Variants in ZNF512B observed in about 807,000 individuals in gnomAD.
The protein encoded by ZNF512B is zinc finger protein 512B.
Under a neutral mutation model 87.8 loss-of-function variants are expected in ZNF512B, and 22 were observed. The ratio of observed to expected loss-of-function variants is 0.25; its 90% CI spans 0.18 to 0.36. The LOEUF is 0.36. ZNF512B is among the 10% of genes least tolerant of loss of function. The pLI, the probability that ZNF512B is intolerant of heterozygous loss-of-function variation, is 1.00. For synonymous variants in ZNF512B, 524 were observed against 490.9 expected (o/e 1.07, Z -0.89); for missense variants, 1,060 against 1,231.6 (o/e 0.86, Z 2.09).
chr20:63,966,029 C>T, intron 5 of ZNF512B, 112 bp downstream of exon 5: 3 of 724,820 alleles, frequency 4.1e-6, no homozygotes, highest in East Asian at 2.4e-5. Context: ...TGTTCCCCGA[C>T]CTGGGACGAG....
rs2058819902 is a variant in ZNF512B, at chr20:63,958,638, C to T, written c.*1250G>A. 2 of 152,170 alleles carry T rather than the reference C, an allele frequency of 1.3e-5. No individual in the cohort carries two copies. Among genetic ancestry groups the T allele is most frequent in the Non-Finnish European group, 2.9e-5 (2 of 68,078 alleles). 9.4% of individuals were successfully genotyped at this position (152,170 alleles called of 1,614,324 possible). ...CAGGGAGGGAGCCACAGGCTGTGGC[C>T]ACCTCTTCCAGGCACCCTGGACTCC... On this transcript the variant is annotated 3_prime_UTR_variant, in exon 17 of 17. Coordinates refer to ENST00000369888, the MANE Select transcript of ZNF512B (RefSeq NM_020713.3).
chr20:63,966,442 G>A lies in ZNF512B; in HGVS notation c.733C>T (p.Pro245Ser). Residue 245 changes from proline to serine, a missense_variant, in exon 5 of 17, where the codon CCC becomes TCC. Pro to Ser is a moderately conservative substitution (Grantham distance 74). Coordinates refer to ENST00000369888, the MANE Select transcript of ZNF512B (RefSeq NM_020713.3). Reference sequence around the variant, plus strand: ...GGCATGGCCTTGGTGACGGGCATGGGCCTGCTGACTGTGACAGGTTTGGTG... The same window carrying A: ...GGCATGGCCTTGGTGACGGGCATGGACCTGCTGACTGTGACAGGTTTGGTG... ...PVTKPVTVSR[P>S]MPVTKAMPVT... is the part of the protein sequence containing the mutation. 6.2e-7 allele frequency: 1 copy of A among 1,614,076 alleles called. No individual in the cohort carries two copies. The highest frequency in any genetic ancestry group is 8.5e-7 in the Non-Finnish European group (1 of 1,180,030).
intron 9 of ZNF512B, 28 bp from the exon 10 acceptor site, chr20:63,963,738 T>C (rs1303499705): frequency 6.2e-7 from 1 of 1,613,020 alleles, no homozygotes; most frequent in Non-Finnish European, 8.5e-7. Context: ...GTGAGAAGCC[T>C]GCCTGGGGCC....
Position 63,957,624 on chromosome 20 carries a change from C to T in ZNF512B, c.*2264G>A, listed in dbSNP as rs950602938. The T allele has an allele frequency of 6.6e-6, 1 of 152,654 alleles. No individual in the cohort carries two copies. The highest frequency in any genetic ancestry group is 1.9e-4 in the East Asian group (1 of 5,196). 9.5% of individuals were successfully genotyped at this position (152,654 alleles called of 1,614,324 possible). On this transcript the variant is annotated 3_prime_UTR_variant, in exon 17 of 17. Coordinates refer to ENST00000369888, the MANE Select transcript of ZNF512B (RefSeq NM_020713.3). ...GGTATCCAGGACTCCTCTTCCCACA[C>T]CAGGGATTATCTGTGGGCTTTGGGA...
Position 63,961,699 on chromosome 20 carries a change from T to C in ZNF512B, c.2328+243A>G, listed in dbSNP as rs879034421. Among the ~76,000 whole-genome samples, 5 of 152,278 alleles carry C rather than the reference T, an allele frequency of 3.3e-5. No homozygotes were observed. The highest frequency in any genetic ancestry group is 1.3e-4 in the Admixed American group (2 of 15,308). ...GTCGGGGTGCCCACCCATGCCTACA[T>C]GGACGCAGAGCTCCAAGGACAGGAC... On this transcript the variant is annotated intron_variant, in intron 15 of 16. Transcript: ENST00000369888. The surrounding 1 kb of genome is among the most constrained non-coding windows in gnomAD (Gnocchi z 6.4).
At chr20:63,969,101 G>C (rs73149003) in intron 1 of ZNF512B, 32,392 of 985,226 alleles carry the variant, frequency 0.033, 542 homozygotes, top group Middle Eastern at 0.036. Flanking sequence ...GCCAGTGTCC[G>C]GGGACAAAGT....
rs758055063 is a variant in ZNF512B, at chr20:63,962,572, G to A, written c.2163+15C>T. Reference sequence around the variant, plus strand: ...GGCCACGGCGCTGTCCACAGCCCTGGGGGGGGCAGCTCACCCGTGCGGTCT... The same window carrying A: ...GGCCACGGCGCTGTCCACAGCCCTGAGGGGGGCAGCTCACCCGTGCGGTCT... On this transcript the variant is annotated intron_variant, in intron 13 of 16. Coordinates refer to ENST00000369888, the MANE Select transcript of ZNF512B (RefSeq NM_020713.3). The A allele has an allele frequency of 1.1e-5, 17 of 1,599,892 alleles. No homozygotes were observed. Among genetic ancestry groups the A allele is most frequent in the Admixed American group, 1.7e-5 (1 of 59,162 alleles).
At chr20:63,965,900 G>C (rs1323386702) in intron 5 of ZNF512B, among the ~76,000 whole-genome samples, 1 of 34,468 alleles carries the variant, frequency 2.9e-5, no homozygotes, top group African/African-American at 1.6e-4. Flanking sequence ...TCCCTGACCT[G>C]GGACGAGCCC....
At position 63,961,912 on chromosome 20, in the gene ZNF512B, C is replaced by T. The variant is rs758429832; in HGVS notation, c.2328+30G>A. On this transcript the variant is annotated intron_variant, in intron 15 of 16. Coordinates refer to ENST00000369888, the MANE Select transcript of ZNF512B (RefSeq NM_020713.3). This position sits in a 1 kb window ranked among gnomAD's most constrained non-coding sequence, Gnocchi z 6.4. ...AGCTGGGAGCTCTGAGTGCAGCGCA[C>T]CTGGCCGTGGGGCAGGCCCCAGAAC... 1 of 1,550,356 alleles carries T rather than the reference C, an allele frequency of 6.5e-7. No individual in the cohort carries two copies. The highest frequency in any genetic ancestry group is 1.2e-5 in the South Asian group (1 of 84,052).
At position 63,956,999 on chromosome 20, in the gene ZNF512B, G is replaced by A. The variant is rs1306434867; in HGVS notation, c.*2889C>T. On this transcript the variant is annotated 3_prime_UTR_variant, in exon 17 of 17. Transcript: ENST00000369888. ...ACCCAAACCAAGAAACCCAAAGCAC[G>A]GGACGCCCGGCCGCGAGGCAGGGGA... 2 of 152,524 alleles carry A rather than the reference G, an allele frequency of 1.3e-5. No individual in the cohort carries two copies. The highest frequency in any genetic ancestry group is 2.1e-4 in the South Asian group (1 of 4,832). The allele number at this position is 152,524 out of a possible 1,614,324, so 9.4% of individuals were successfully genotyped here. A position where few individuals can be genotyped will look rare whatever the true frequency, so the allele number is the denominator to read the frequency against.
chr20:63,963,015 T>G (rs566717617), intron 12 of ZNF512B, 80 bp downstream of exon 12: 57 of 1,450,336 alleles, frequency 3.9e-5, no homozygotes, highest in Non-Finnish European at 4.9e-5. Flanking sequence ...CATGGACAAA[T>G]ACAGTTGGCA....
Position 63,959,352 on chromosome 20 carries a change from A to C in ZNF512B, c.*536T>G, listed in dbSNP as rs1280388414. ...GCAGGCCGGAGCCTGTCAGGTCAGC[A>C]TGGCAGTGGTCAGACAGGGGTCTGT... is the stretch of plus-strand genomic sequence containing the variant. On this transcript the variant is annotated 3_prime_UTR_variant, in exon 17 of 17. Transcript: ENST00000369888. 1 of 156,848 alleles carries C rather than the reference A, an allele frequency of 6.4e-6. No individual in the cohort carries two copies. Among genetic ancestry groups the C allele is most frequent in the Non-Finnish European group, 1.4e-5 (1 of 71,200 alleles). The allele number at this position is 156,848 out of a possible 1,614,324, so 9.7% of individuals were successfully genotyped here.
At position 63,963,722 on chromosome 20, in the gene ZNF512B, C is replaced by T. The variant is rs1469047792; in HGVS notation, c.1606-12G>A. On this transcript the variant is annotated splice_polypyrimidine_tract_variant and intron_variant, in intron 9 of 16. Transcript: ENST00000369888. ...AGTGCATCCTGAAGCTGCAGATGGC[C>T]CACATGTGAGAAGCCTGCCTGGGGC... 1 of 1,613,268 alleles carries T rather than the reference C, an allele frequency of 6.2e-7. No homozygotes were observed. The highest frequency in any genetic ancestry group is 8.5e-7 in the Non-Finnish European group (1 of 1,180,024).
chr20:63,965,852 G>A (rs1180896688), intron 5 of ZNF512B, among the ~76,000 whole-genome samples: 1 of 25,660 alleles, frequency 3.9e-5, no homozygotes, highest in Non-Finnish European at 8.2e-5. Flanking sequence ...ACTGTTCCCC[G>A]ACCTGGGACG....
At chr20:63,965,879 C>G (rs1411989137) in intron 5 of ZNF512B, among the ~76,000 whole-genome samples, 1 of 30,654 alleles carries the variant, frequency 3.3e-5, no homozygotes, top group African/African-American at 1.8e-4. Context: ...CATACCTTTT[C>G]TCACCACTGT....
At position 63,964,137 on chromosome 20, in the gene ZNF512B, T is replaced by C; in HGVS notation, c.1414A>G (p.Lys472Glu). The change falls in exon 8 of 17, where the codon AAG becomes GAG. Residue 472 changes from lysine (K) to glutamate (E), a missense_variant. Physicochemically the swap from Lys to Glu is moderately conservative, Grantham distance 56. Transcript: ENST00000369888. ...ACAGTGATGGGGGCAGCTGGCACCT[T>C]CTTCCGGGCGTCCTCAGGGCCTGGC... is the stretch of plus-strand genomic sequence containing the variant. ...EGPGPEDARKKVPAAPITVSK... is the reference protein window; with the variant it reads ...EGPGPEDARKEVPAAPITVSK... The C allele has an allele frequency of 6.2e-7, 1 of 1,605,008 alleles. No homozygotes were observed. The highest frequency in any genetic ancestry group is 8.5e-7 in the Non-Finnish European group (1 of 1,176,774).
chr20:63,964,614 C>A lies in ZNF512B; in HGVS notation c.1137G>T (p.Gln379His). The change falls in exon 6 of 17, where the codon CAG becomes CAT. Residue 379 changes from glutamine (Q) to histidine (H), a missense_variant. Physicochemically the swap from Gln to His is conservative, Grantham distance 24 (BLOSUM62 0). This residue lies in a region of ZNF512B where 212 missense variants were observed against 207.6 expected (regional missense o/e 1.02). Transcript: ENST00000369888. ...PSSMGQSSAF[Q>H]LSADTSSGSL... ...AGCCACTGCTGGTGTCTGCACTCAG[C>A]TGGAAGGCCGAGCTCTGGCCCATGG... 2 of 1,613,188 alleles carry A rather than the reference C, an allele frequency of 1.2e-6. No individual in the cohort carries two copies. The highest frequency in any genetic ancestry group is 1.7e-6 in the Non-Finnish European group (2 of 1,180,004).
At chr20:63,969,566 C>T (rs988828557) in intron 1 of ZNF512B, among the ~76,000 whole-genome samples, 5 of 146,720 alleles carry the variant, frequency 3.4e-5, no homozygotes, top group African/African-American at 1.2e-4. Flanking sequence ...CTCGGCCTGG[C>T]CGGGCAGGGC....
rs1049686979 is a variant in ZNF512B, at chr20:63,966,585, G to C, written c.590C>G (p.Pro197Arg). The C allele has an allele frequency of 6.2e-7, 1 of 1,613,944 alleles. No individual in the cohort carries two copies. ...ACCCACAGGTTTGCCAATAGTGACA[G>C]GTTTGCTCACTCCGATGGGCTTGCT... ...GVSKPIGVSK[P>R]VTIGKPVGVS... Residue 197 changes from proline to arginine, a missense_variant, in exon 5 of 17, where the codon CCT becomes CGT. Transcript: ENST00000369888.
Sources: gnomAD v4.1 joint callset for allele counts (sites outside exome capture counted in the v4.1 genomes callset) on GRCh38, gnomAD v4.1.1 for gene constraint, gnomAD v4.1.1 regional missense constraint, Gnocchi (gnomAD v3.1) non-coding constraint, MANE v1.5 for transcripts, NCBI Gene and HGNC (gene_info 2026-07-23, HGNC 2026-07-21) for gene names.